The following TMEM132D variants were observed in gnomAD, a reference collection of about 807,000 sequenced individuals.
The protein encoded by TMEM132D is mature OL transmembrane protein.
TMEM132D carries 21 observed loss-of-function variants against 62.3 expected under a neutral mutation model. The observed-to-expected ratio is 0.34, with a 90% CI of 0.24 to 0.49. The LOEUF (loss-of-function observed/expected upper bound fraction) is 0.49. TMEM132D is among the 20% of genes least tolerant of loss of function. TMEM132D has a pLI of 0.99. For missense variants in TMEM132D, 1,346 were observed against 1,402.8 expected (o/e 0.96, Z 0.65); for synonymous variants, 621 against 575.6 (o/e 1.08, Z -1.13).
At chr12:129,251,429 A>T (rs905072345) in intron 4 of TMEM132D, among the ~76,000 whole-genome samples, 3 of 150,958 alleles carry the variant, frequency 2.0e-5, no homozygotes, top group Non-Finnish European at 2.9e-5. Flanking sequence ...GGTCATTGAA[A>T]CTCTTCTGCT....
At chr12:129,411,543 C>T (rs1667575547) in intron 3 of TMEM132D, among the ~76,000 whole-genome samples, 1 of 151,850 alleles carries the variant, frequency 6.6e-6, no homozygotes, top group African/African-American at 2.4e-5. Flanking sequence ...TTTATAGAGA[C>T]GGGGTCTTGC....
intron 3 of TMEM132D, among the ~76,000 whole-genome samples, chr12:129,392,618 A>T (rs1000857615): frequency 2.0e-5 from 3 of 151,926 alleles, no homozygotes; most frequent in South Asian, 2.1e-4. Flanking sequence ...GTTGCTAGGA[A>T]CCTCGTTACA....
Position 129,903,198 on chromosome 12 carries a change from ACT to A in TMEM132D, c.79+61_79+62del. On this transcript the variant is annotated intron_variant, in intron 1 of 8. Transcript: ENST00000422113. The surrounding 1 kb of genome is among the most constrained non-coding windows in gnomAD (Gnocchi z 6.2). ...TCCCGGCCGCCCCCATCCTCCACACACTCCCACACACTCACTCCAGGCGAAGT... is the reference window on the plus strand; with the variant it reads ...TCCCGGCCGCCCCCATCCTCCACACACCCACACACTCACTCCAGGCGAAGT... The A allele has an allele frequency of 1.1e-5, 16 of 1,514,318 alleles. No individual in the cohort carries two copies. In the South Asian group the frequency reaches 1.6e-4, roughly 15 times the overall value. The allele number at this position is 1,514,318 out of a possible 1,614,324, so 93.8% of individuals were successfully genotyped here. A position where few individuals can be genotyped will look rare whatever the true frequency, so the allele number is the denominator to read the frequency against.
intron 1 of TMEM132D, among the ~76,000 whole-genome samples, chr12:129,778,133 A>AAT (rs1871003330): frequency 6.6e-6 from 1 of 151,638 alleles, no homozygotes; most frequent in Non-Finnish European, 1.5e-5. Context: ...AAAAAAAAAA[A>AAT]AAATCACTCT....
At chr12:129,431,065 G>A (rs994766373) in intron 3 of TMEM132D, among the ~76,000 whole-genome samples, 3 of 152,166 alleles carry the variant, frequency 2.0e-5, no homozygotes, top group Non-Finnish European at 2.9e-5. Flanking sequence ...CTCTGTCTTG[G>A]GCAGGGGGCT....
At chr12:129,664,951 A>T (rs1397837549) in intron 2 of TMEM132D, among the ~76,000 whole-genome samples, 6 of 152,140 alleles carry the variant, frequency 3.9e-5, no homozygotes. Flanking sequence ...ACGAATGTAA[A>T]TGCTATTATC....
chr12:129,877,610 C>T (rs1178634369), intron 1 of TMEM132D, among the ~76,000 whole-genome samples: 2 of 92,566 alleles, frequency 2.2e-5, no homozygotes, highest in African/African-American at 6.5e-5. Context: ...AACGCGCGCG[C>T]GCGCACACAC....
rs150575895 is a variant in TMEM132D at position 129,331,538 on chromosome 12, G to A, written c.1299+6096C>T. On this transcript the variant is annotated intron_variant, in intron 4 of 8. Transcript: ENST00000422113. Reference sequence around the variant, plus strand: ...AAATGAGAAGCTGGTCAAGAGACCCGCCTGGGAGGGCACATTCTTAAAATC... The same window carrying A: ...AAATGAGAAGCTGGTCAAGAGACCCACCTGGGAGGGCACATTCTTAAAATC... Among the ~76,000 whole-genome samples, 956 of 152,286 alleles carry A rather than the reference G, an allele frequency of 6.3e-3. 35 individuals are homozygous for A. The highest frequency in any genetic ancestry group is 0.052 in the Admixed American group (801 of 15,282).
At chr12:129,269,684 A>C (rs983310837) in intron 4 of TMEM132D, among the ~76,000 whole-genome samples, 13 of 148,074 alleles carry the variant, frequency 8.8e-5, no homozygotes, top group East Asian at 5.9e-4. Flanking sequence ...ACTTAACAAA[A>C]CCCCCCCAGT....
At position 129,081,896 on chromosome 12, in the gene TMEM132D, G is replaced by A. The variant is rs1456385223; in HGVS notation, c.1786C>T (p.His596Tyr). The change falls in exon 7 of 9, where the codon CAC becomes TAC. Residue 596 changes from histidine to tyrosine, a missense_variant. By Grantham distance (83) the His-to-Tyr change is moderately conservative. Transcript: ENST00000422113. The part of the protein sequence containing the change: ...EAAGPGGHLA[H>Y]LLGSDWQVDI... ...ACTTGCCAGTCTGAGCCCAGCAGGTGGGCCAGGTGTCCCCCAGGGCCGGCC... is the reference window on the plus strand; with the variant it reads ...ACTTGCCAGTCTGAGCCCAGCAGGTAGGCCAGGTGTCCCCCAGGGCCGGCC... The A allele has an allele frequency of 1.2e-6, 2 of 1,614,026 alleles. No individual in the cohort carries two copies. The highest frequency in any genetic ancestry group is 3.3e-5 in the Admixed American group (2 of 60,018).
intron 4 of TMEM132D, among the ~76,000 whole-genome samples, chr12:129,267,393 A>G (rs58619763): frequency 0.092 from 13,734 of 148,624 alleles, 783 homozygotes; most frequent in Admixed American, 0.18. Context: ...ACCAATAACA[A>G]ACAAACAGAG....
Position 129,219,654 on chromosome 12 carries a change from T to C in TMEM132D, c.1300-9991A>G, listed in dbSNP as rs556299383. ...GGCCTGCAACTTGCATGGAGGTGTGTGGCCAGCATTTACACTGATTTAAAC... is the reference window on the plus strand; with the variant it reads ...GGCCTGCAACTTGCATGGAGGTGTGCGGCCAGCATTTACACTGATTTAAAC... On this transcript the variant is annotated intron_variant, in intron 4 of 8. Coordinates refer to ENST00000422113, the MANE Select transcript of TMEM132D (RefSeq NM_133448.3). 5.3e-5 allele frequency among the ~76,000 whole-genome samples: 8 copies of C among 152,378 alleles called. No individual in the cohort carries two copies. In the South Asian group the frequency reaches 1.7e-3, roughly 32 times the overall value.
intron 3 of TMEM132D, among the ~76,000 whole-genome samples, chr12:129,480,328 T>C (rs1874391668): frequency 6.6e-6 from 1 of 152,242 alleles, no homozygotes; most frequent in South Asian, 2.1e-4. Flanking sequence ...AAGACTTTGG[T>C]GCTTACTTTG....
chr12:129,313,204 TG>T (rs1882024044), intron 4 of TMEM132D, among the ~76,000 whole-genome samples: 1 of 152,110 alleles, frequency 6.6e-6, no homozygotes. Context: ...TTTGGGTACA[TG>T]GGGTATTTGG....
At chr12:129,392,868 TACAAGGAAAATAAAAG>T (rs146893369) in intron 3 of TMEM132D, among the ~76,000 whole-genome samples, 1,536 of 152,308 alleles carry the variant, frequency 0.01, 28 homozygotes, top group African/African-American at 0.035. Flanking sequence ...CAGGGCCAGA[TACAAGGAAAATAAAAG>T]ACAAGACCCA....
intron 2 of TMEM132D, among the ~76,000 whole-genome samples, chr12:129,552,837 T>C (rs1223013594): frequency 6.6e-6 from 1 of 152,220 alleles, no homozygotes; most frequent in Non-Finnish European, 1.5e-5. Flanking sequence ...ATCCATTATC[T>C]ATTATCTATT....
At chr12:129,829,322 C>T (rs903766978) in intron 1 of TMEM132D, among the ~76,000 whole-genome samples, 5 of 152,140 alleles carry the variant, frequency 3.3e-5, no homozygotes. Context: ...CAGAAAGGGA[C>T]ATCTCCTTCC....
In TMEM132D at chr12:129,903,604, A is replaced by C; in HGVS notation, c.-265T>G. On this transcript the variant is annotated 5_prime_UTR_variant, in exon 1 of 9. Transcript: ENST00000422113. The surrounding 1 kb of genome is among the most constrained non-coding windows in gnomAD (Gnocchi z 6.2). ...ACCTCCCTCCTTCGACCCCAACAGA[A>C]TTTTTTTTAAATTTTAATCCACAGG... 4 of 497,074 alleles carry C rather than the reference A, an allele frequency of 8.0e-6. No individual in the cohort carries two copies. Among genetic ancestry groups the C allele is most frequent in the Non-Finnish European group, 1.4e-5 (4 of 280,172 alleles). 30.8% of individuals were successfully genotyped at this position (497,074 alleles called of 1,614,324 possible).
chr12:129,753,178 C>T (rs140071131), intron 1 of TMEM132D, among the ~76,000 whole-genome samples: 4 of 152,308 alleles, frequency 2.6e-5, no homozygotes, highest in Admixed American at 6.5e-5. Flanking sequence ...ACTAGAACCA[C>T]GTCTGTTGGT....
Sources: gnomAD v4.1 joint callset for allele counts (sites outside exome capture counted in the v4.1 genomes callset) on GRCh38, gnomAD v4.1.1 for gene constraint, Gnocchi (gnomAD v3.1) non-coding constraint, MANE v1.5 for transcripts, NCBI Gene and HGNC (gene_info 2026-07-23, HGNC 2026-07-21) for gene names.